Variants in LMX1A observed in about 807,000 individuals in gnomAD.
The protein encoded by LMX1A is LIM homeobox transcription factor 1-alpha.
LMX1A carries 15 observed loss-of-function variants against 49.1 expected under a neutral mutation model. The observed-to-expected ratio is 0.31, with a 90% confidence interval of 0.20 to 0.47. LMX1A has a LOEUF of 0.47. Ranked by LOEUF, LMX1A falls within the 20% of genes least tolerant of loss-of-function variation. The pLI, the probability that LMX1A is intolerant of heterozygous loss-of-function variation, is 1.00. For synonymous variants in LMX1A, 167 were observed against 185.7 expected, an observed-to-expected ratio of 0.90 and a Z score of 0.82; for missense variants, 372 against 475.8, an observed-to-expected ratio of 0.78 and a Z score of 2.03.
chr1:165,286,614 C>T (rs1331122656), intron 3 of LMX1A, among the ~76,000 whole-genome samples: 1 of 152,186 alleles, frequency 6.6e-6, no homozygotes, highest in Non-Finnish European at 1.5e-5. Flanking sequence ...AAGTACCAGA[C>T]ACCAGACTCT....
chr1:165,296,232 T>C (rs1442276598), intron 3 of LMX1A, among the ~76,000 whole-genome samples: 1 of 152,234 alleles, frequency 6.6e-6, no homozygotes, highest in Admixed American at 6.5e-5. Context: ...CAGCAAAATC[T>C]TCCTGCAAAA....
At chr1:165,236,215 T>C (rs552697245) in intron 4 of LMX1A, among the ~76,000 whole-genome samples, 28 of 152,298 alleles carry the variant, frequency 1.8e-4, no homozygotes, top group Admixed American at 1.7e-3. Context: ...CGCCGCCCTT[T>C]CGCTAAGGCT....
At chr1:165,268,748 A>G (rs1309142131) in intron 3 of LMX1A, among the ~76,000 whole-genome samples, 1 of 152,238 alleles carries the variant, frequency 6.6e-6, no homozygotes, top group Non-Finnish European at 1.5e-5. Context: ...ACACCCATGC[A>G]CCAGTCATCA....
rs551708362 is a variant in LMX1A at position 165,233,265 on chromosome 1, G to A, written c.496+16143C>T. On this transcript the variant is annotated intron_variant, in intron 4 of 8. Transcript: ENST00000342310. Reference sequence around the variant, plus strand: ...AGCCTACGCATTCAAGACCAGCCTGGGAAACACAGGGAGACCCAGTATCTA... The same window carrying A: ...AGCCTACGCATTCAAGACCAGCCTGAGAAACACAGGGAGACCCAGTATCTA... Among the ~76,000 whole-genome samples, 6 of 152,118 alleles carry A rather than the reference G, an allele frequency of 3.9e-5. No homozygotes were observed. In the East Asian group the frequency reaches 9.7e-4, roughly 25 times the overall value.
chr1:165,330,565 C>T (rs1460827457), intron 3 of LMX1A, among the ~76,000 whole-genome samples: 5 of 152,158 alleles, frequency 3.3e-5, no homozygotes, highest in African/African-American at 4.8e-5. Flanking sequence ...AATTACAAAC[C>T]GTAGACAAAA....
rs144858635 is a variant in LMX1A, at chr1:165,273,064, G to A, written c.264-23424C>T. On this transcript the variant is annotated intron_variant, in intron 3 of 8. Coordinates refer to ENST00000342310, the MANE Select transcript of LMX1A (RefSeq NM_177398.4). ...CACCAACCCAGCTGGAGACATGAAC[G>A]GGGAGGAGCTCTAAGTGCTCTCCTG... Among the ~76,000 whole-genome samples the A allele has an allele frequency of 1.2e-4, 18 of 152,294 alleles. No individual in the cohort carries two copies. In the East Asian group the frequency reaches 2.9e-3, roughly 24 times the overall value.
intron 3 of LMX1A, among the ~76,000 whole-genome samples, chr1:165,288,814 C>G (rs1339509050): frequency 6.6e-6 from 1 of 152,248 alleles, no homozygotes; most frequent in Non-Finnish European, 1.5e-5. Context: ...TGCCTTATTG[C>G]TGTTCCAGCA....
At chr1:165,348,507 C>T (rs1656318786) in intron 3 of LMX1A, among the ~76,000 whole-genome samples, 1 of 152,156 alleles carries the variant, frequency 6.6e-6, no homozygotes, top group Admixed American at 6.5e-5. Context: ...AAGCCCCCTG[C>T]AATTTAACAC....
At chr1:165,241,061 C>G (rs908390474) in intron 4 of LMX1A, among the ~76,000 whole-genome samples, 1 of 152,154 alleles carries the variant, frequency 6.6e-6, no homozygotes, top group African/African-American at 2.4e-5. Flanking sequence ...GTTTTTCCCC[C>G]AGTCTTCTGC....
At chr1:165,280,257 C>A (rs536456025) in intron 3 of LMX1A, among the ~76,000 whole-genome samples, 1 of 152,302 alleles carries the variant, frequency 6.6e-6, no homozygotes, top group South Asian at 2.1e-4. Flanking sequence ...TAAATTCCTA[C>A]AGATTCTGCC....
At chr1:165,320,019 T>A (rs950035112) in intron 3 of LMX1A, among the ~76,000 whole-genome samples, 3 of 152,180 alleles carry the variant, frequency 2.0e-5, no homozygotes, top group African/African-American at 7.2e-5. Flanking sequence ...ACCTAGATTT[T>A]TTTTTCTTTA....
intron 3 of LMX1A, among the ~76,000 whole-genome samples, chr1:165,291,975 T>G (rs1363793896): frequency 1.4e-5 from 2 of 138,844 alleles, no homozygotes; most frequent in African/African-American, 5.3e-5. Flanking sequence ...GGCAGGAGAA[T>G]GGCGTGAACC....
At chr1:165,276,485 A>T (rs73013427) in intron 3 of LMX1A, among the ~76,000 whole-genome samples, 6 of 152,340 alleles carry the variant, frequency 3.9e-5, no homozygotes, top group African/African-American at 1.4e-4. Context: ...ATTGATAGCA[A>T]TTCTCATTTC....
chr1:165,203,846 A>G lies in LMX1A; in HGVS notation c.*34T>C, dbSNP rs1161440287. On this transcript the variant is annotated 3_prime_UTR_variant, in exon 9 of 9. Coordinates refer to ENST00000342310, the MANE Select transcript of LMX1A (RefSeq NM_177398.4). ...CCCTCAAAGAATATGGTTGTTCCAT[A>G]TGGGAGCCTAGTCACAGAACTCTAG... The G allele has an allele frequency of 6.2e-7, 1 of 1,607,654 alleles. No individual in the cohort carries two copies. Among genetic ancestry groups the G allele is most frequent in the East Asian group, 2.2e-5 (1 of 44,818 alleles).
intron 3 of LMX1A, among the ~76,000 whole-genome samples, chr1:165,349,223 C>T (rs1476676575): frequency 6.6e-6 from 1 of 152,320 alleles, no homozygotes; most frequent in East Asian, 1.9e-4. Context: ...ACCACATTCC[C>T]GTTATTCAGC....
At chr1:165,269,449 A>G (rs1254419229) in intron 3 of LMX1A, among the ~76,000 whole-genome samples, 1 of 152,172 alleles carries the variant, frequency 6.6e-6, no homozygotes, top group Non-Finnish European at 1.5e-5. Context: ...GTGATGATGA[A>G]AATGTCTTAG....
chr1:165,319,066 A>G (rs991209706), intron 3 of LMX1A, among the ~76,000 whole-genome samples: 1 of 151,688 alleles, frequency 6.6e-6, no homozygotes, highest in Non-Finnish European at 1.5e-5. Flanking sequence ...TAGGAACTAG[A>G]CATTCCTTAA....
chr1:165,222,241 CTGTA>C (rs1314517942), intron 4 of LMX1A, among the ~76,000 whole-genome samples: 1 of 152,146 alleles, frequency 6.6e-6, no homozygotes, highest in Non-Finnish European at 1.5e-5. Flanking sequence ...AAGAAGGAGA[CTGTA>C]GAGCTCATAA....
intron 3 of LMX1A, among the ~76,000 whole-genome samples, chr1:165,352,798 G>A (rs976657939): frequency 6.6e-6 from 1 of 152,240 alleles, no homozygotes; most frequent in Non-Finnish European, 1.5e-5. Context: ...TCAGAGAAAG[G>A]GGCCTGGAAG....
Sources: allele counts gnomAD v4.1 joint callset (sites outside exome capture counted in the v4.1 genomes callset), GRCh38; gene constraint gnomAD v4.1.1; transcripts MANE v1.5; gene names NCBI Gene and HGNC (gene_info 2026-07-23, HGNC 2026-07-21).